Variants in PPRC1 observed in about 807,000 individuals in gnomAD.
The protein encoded by PPRC1 is PPARG related coactivator 1.
PPRC1 carries 23 observed loss-of-function variants against 132.5 expected under a neutral mutation model. The observed-to-expected ratio is 0.17, with a 90% confidence interval of 0.12 to 0.25. PPRC1 has a LOEUF of 0.25. PPRC1 is among the 10% of genes least tolerant of loss of function. PPRC1 has a pLI of 1.00. For synonymous variants in PPRC1, 872 were observed against 833.5 expected (o/e 1.05, Z -0.80); for missense variants, 2,006 against 2,089.1 (o/e 0.96, Z 0.78).
Position 102,147,220 on chromosome 10 carries a change from A to C in PPRC1, c.4228A>C (p.Arg1410=). 1 of 1,613,400 alleles carries C rather than the reference A, an allele frequency of 6.2e-7. No individual in the cohort carries two copies. The highest frequency in any genetic ancestry group is 8.5e-7 in the Non-Finnish European group (1 of 1,180,034). ...AATGCGCTGTTACCGAAAAGCCTGC[A>C]GGTCAGCCAGCCCCTCAAGCCAGGG... ...RSMRCYRKAC[R]SASPSSQGWQ... The change falls in exon 9 of 14, where the codon AGG becomes CGG. Residue 1410 remains arginine (R), a synonymous_variant. Transcript: ENST00000278070.
Position 102,133,184 on chromosome 10 carries a change from C to T in PPRC1, c.116C>T (p.Pro39Leu). ...GSGWGSRSQA[P>L]YGTLGAVSGG... is the part of the protein sequence containing the mutation. ...GGTTGGGGAAGTCGAAGCCAAGCGC[C>T]GTATGGGACTTTGGGCGCTGTGAGC... Residue 39 changes from proline to leucine, a missense_variant, in exon 1 of 14, where the codon CCG (proline) becomes CTG (leucine). By Grantham distance (98) the Pro-to-Leu change is moderately conservative. Around this residue, in one of 2 missense-constraint regions of PPRC1, gnomAD observed 1,914 missense variants for 1,917.2 expected, o/e 1.00. Coordinates refer to ENST00000278070, the MANE Select transcript of PPRC1 (RefSeq NM_015062.5). 9.4e-6 allele frequency: 12 copies of T among 1,277,946 alleles called. No homozygotes were observed. The highest frequency in any genetic ancestry group is 1.1e-5 in the Non-Finnish European group (11 of 1,005,394). The allele number at this position is 1,277,946 out of a possible 1,614,324, so 79.2% of individuals were successfully genotyped here.
At chr10:102,146,117 G>A (rs2069235095) in intron 8 of PPRC1, among the ~76,000 whole-genome samples, 1 of 152,170 alleles carries the variant, frequency 6.6e-6, no homozygotes, top group Non-Finnish European at 1.5e-5. Context: ...TAGCTGATCA[G>A]GGCAGTGGGC....
rs1420291729 is a variant in PPRC1, at chr10:102,142,229, A to T, written c.3496+225A>T. ...GCAATTCTCCTGCCTCAGCCTCCCA[A>T]GTAGCTGGGACTACAGGTGCCCGCC... On this transcript the variant is annotated intron_variant, in intron 5 of 13. Transcript: ENST00000278070. Among the ~76,000 whole-genome samples, 5 of 151,844 alleles carry T rather than the reference A, an allele frequency of 3.3e-5. No homozygotes were observed. The South Asian group carries it at 1.0e-3, about 32-fold the overall frequency.
the PPRC1 span, among the ~76,000 whole-genome samples, chr10:102,120,857 C>G: frequency 2.0e-5 from 3 of 152,072 alleles, no homozygotes; most frequent in African/African-American, 7.2e-5. Flanking sequence ...TCTCTCCACC[C>G]CGGGCCGCGC....
At position 102,140,943 on chromosome 10, in the gene PPRC1, A is replaced by T; in HGVS notation, c.2435A>T (p.Glu812Val). The change falls in exon 5 of 14, where the codon GAA becomes GTA. Residue 812 changes from glutamate (E) to valine (V), a missense_variant. By Grantham distance (121) the Glu-to-Val change is moderately radical. Around this residue, in one of 2 missense-constraint regions of PPRC1, gnomAD observed 1,914 missense variants for 1,917.2 expected, o/e 1.00. Transcript: ENST00000278070. ...AAGACAGCTCTGCAGAGAAGCCCTG[A>T]AACACCCCTTGAGATTTGCCTTGTG... ...AKKTALQRSP[E>V]TPLEICLVPV... The T allele has an allele frequency of 6.2e-7, 1 of 1,613,916 alleles. No individual in the cohort carries two copies. Among genetic ancestry groups the T allele is most frequent in the Non-Finnish European group, 8.5e-7 (1 of 1,179,950 alleles).
chr10:102,147,489 T>C, intron 9 of PPRC1, 97 bp downstream of exon 9: 2 of 1,421,378 alleles, frequency 1.4e-6, no homozygotes, highest in South Asian at 1.4e-5. Context: ...TTTGGTACTT[T>C]CAGGCGCTAA....
At chr10:102,136,905 C>T (rs925693974) in intron 1 of PPRC1, among the ~76,000 whole-genome samples, 1 of 152,192 alleles carries the variant, frequency 6.6e-6, no homozygotes, top group African/African-American at 2.4e-5. Flanking sequence ...GCTGCTAGTT[C>T]TTAGAGGAGT....
intron 6 of PPRC1, 49 bp downstream of exon 6, chr10:102,143,147 T>G (rs567847029): frequency 6.4e-7 from 1 of 1,558,628 alleles, no homozygotes; most frequent in East Asian, 2.2e-5. Flanking sequence ...TGGTGATACT[T>G]TTTTGGGCCC....
At position 102,138,903 on chromosome 10, in the gene PPRC1, C is replaced by T. The variant is rs748808703; in HGVS notation, c.514C>T (p.Arg172Trp). Reference protein sequence around the residue: ...SSLHKLLTLSRTPPERDLITP... With the variant: ...SSLHKLLTLSWTPPERDLITP... ...GCTGCACAAGCTGCTTACTCTCTCT[C>T]GGACACCCCCAGAACGTGACCTCAT... Residue 172 changes from arginine (R) to tryptophan (W), a missense_variant, in exon 4 of 14, where the codon CGG (arginine) becomes TGG (tryptophan). Physicochemically the swap from Arg to Trp is moderately radical, Grantham distance 101. Around this residue, in one of 2 missense-constraint regions of PPRC1, gnomAD observed 1,914 missense variants for 1,917.2 expected, o/e 1.00. Coordinates refer to ENST00000278070, the MANE Select transcript of PPRC1 (RefSeq NM_015062.5). 2.4e-5 allele frequency: 39 copies of T among 1,614,030 alleles called. No homozygotes were observed. The highest frequency in any genetic ancestry group is 3.1e-5 in the Non-Finnish European group (36 of 1,180,004).
At chr10:102,125,573 C>G in the PPRC1 span, among the ~76,000 whole-genome samples, 1 of 151,632 alleles carries the variant, frequency 6.6e-6, no homozygotes, top group Non-Finnish European at 1.5e-5. Flanking sequence ...TAGTATTTTT[C>G]AATACTAGTC....
the PPRC1 span, chr10:102,120,291 GCAGACAGGAAGGAAGC>G: frequency 2.0e-6 from 2 of 984,448 alleles, no homozygotes; most frequent in Non-Finnish European, 2.4e-6. Flanking sequence ...CAGGCGCGGA[GCAGACAGGAAGGAAGC>G]CAGGCAGGAA....
chr10:102,141,398 G>A lies in PPRC1; in HGVS notation c.2890G>A (p.Ala964Thr). 6.2e-7 allele frequency: 1 copy of A among 1,613,896 alleles called. No individual in the cohort carries two copies. The highest frequency in any genetic ancestry group is 2.2e-5 in the East Asian group (1 of 44,856). Residue 964 changes from alanine (A) to threonine (T), a missense_variant, in exon 5 of 14, where the codon GCA becomes ACA. By Grantham distance (58) the Ala-to-Thr change is moderately conservative (BLOSUM62 0). Around this residue, in one of 2 missense-constraint regions of PPRC1, gnomAD observed 1,914 missense variants for 1,917.2 expected, o/e 1.00. Coordinates refer to ENST00000278070, the MANE Select transcript of PPRC1 (RefSeq NM_015062.5). ...AVPPTCSVPW[A>T]PPPAPVSPYS... Reference sequence around the variant, plus strand: ...GCCTCCCACTTGCAGTGTGCCTTGGGCACCCCCTCCTGCCCCAGTCTCACC... The same window carrying A: ...GCCTCCCACTTGCAGTGTGCCTTGGACACCCCCTCCTGCCCCAGTCTCACC...
Position 102,139,583 on chromosome 10 carries a change from C to T in PPRC1, c.1075C>T (p.Leu359=), listed in dbSNP as rs2068863030. Residue 359 remains leucine (L), a synonymous_variant, in exon 5 of 14, where the codon CTG becomes TTG. Coordinates refer to ENST00000278070, the MANE Select transcript of PPRC1 (RefSeq NM_015062.5). ...VGQAATAGDD[L]EIPVVVRQVS... ...GCAGGCAGCCACAGCTGGCGATGAC[C>T]TGGAGATCCCAGTTGTGGTGCGACA... 8 of 1,613,832 alleles carry T rather than the reference C, an allele frequency of 5.0e-6. No individual in the cohort carries two copies. Among genetic ancestry groups the T allele is most frequent in the Non-Finnish European group, 6.8e-6 (8 of 1,179,980 alleles).
At chr10:102,138,786 A>C in intron 3 of PPRC1, 21 bp downstream of exon 3, 1 of 1,614,024 alleles carries the variant, frequency 6.2e-7, no homozygotes, top group Non-Finnish European at 8.5e-7. Flanking sequence ...GACCAGGGGA[A>C]GGGGATTAGT....
Position 102,140,318 on chromosome 10 carries a change from C to G in PPRC1, c.1810C>G (p.Pro604Ala). The G allele has an allele frequency of 6.2e-7, 1 of 1,614,200 alleles. No individual in the cohort carries two copies. The highest frequency in any genetic ancestry group is 8.5e-7 in the Non-Finnish European group (1 of 1,180,034). The change falls in exon 5 of 14, where the codon CCT becomes GCT. Residue 604 changes from proline to alanine, a missense_variant. Pro to Ala is a conservative substitution (Grantham distance 27). Transcript: ENST00000278070. ...TGCAGTTGGCCCTGTTCTAGCTGGCCCTGTACCTGTTGACCCTGGGTTGGT... is the reference window on the plus strand; with the variant it reads ...TGCAGTTGGCCCTGTTCTAGCTGGCGCTGTACCTGTTGACCCTGGGTTGGT... ...PTAVGPVLAGPVPVDPGLVDL... is the reference protein window; with the variant it reads ...PTAVGPVLAGAVPVDPGLVDL...
At chr10:102,142,400 CTTTTTTTTTTTTTTTTTT>C (rs71016364) in intron 5 of PPRC1, among the ~76,000 whole-genome samples, 15 of 61,234 alleles carry the variant, frequency 2.4e-4, no homozygotes, top group South Asian at 5.7e-4. Flanking sequence ...TGCACCATGC[CTTTTTTTTTTTTTTTTTT>C]TTTTTTTTTT....
intron 1 of PPRC1, among the ~76,000 whole-genome samples, chr10:102,134,535 G>A (rs2068651494): frequency 6.6e-6 from 1 of 152,152 alleles, no homozygotes; most frequent in Non-Finnish European, 1.5e-5. Flanking sequence ...CATTTTTTGT[G>A]TGTTACTAGG....
the PPRC1 span, among the ~76,000 whole-genome samples, chr10:102,127,155 A>G: frequency 6.7e-6 from 1 of 150,076 alleles, no homozygotes; most frequent in African/African-American, 2.5e-5. Flanking sequence ...TGGGCAGATC[A>G]CCTGAGGTCA....
At chr10:102,142,827 C>T (rs73344859) in intron 5 of PPRC1, 22,014 of 424,766 alleles carry the variant, frequency 0.052, 2,031 homozygotes, top group African/African-American at 0.27. Flanking sequence ...TTTATAGGCA[C>T]AGGTGTGTGC....
Sources: gnomAD v4.1 joint callset for allele counts (sites outside exome capture counted in the v4.1 genomes callset) on GRCh38, gnomAD v4.1.1 for gene constraint, gnomAD v4.1.1 regional missense constraint, MANE v1.5 for transcripts, NCBI Gene and HGNC (gene_info 2026-07-23, HGNC 2026-07-21) for gene names.